The following ZNF320 variants were observed in gnomAD, a reference collection of about 807,000 sequenced individuals.
ZNF320 encodes zinc finger protein 320, also known as zinc finger gene 320.
Under a neutral mutation model 6.8 loss-of-function variants are expected in ZNF320, and 2 were observed. The ratio of observed to expected loss-of-function variants is 0.29; its 90% CI spans 0.12 to 0.93. ZNF320 has a LOEUF of 0.93. Ranked by LOEUF, ZNF320 falls within the 40% of genes least tolerant of loss-of-function variation. The pLI is 0.55. For synonymous variants in ZNF320, 208 were observed against 203.2 expected, an observed-to-expected ratio of 1.02 and a Z score of -0.20; for missense variants, 472 against 611.0, an observed-to-expected ratio of 0.77 and a Z score of 2.40.
At chr19:52,865,062 C>T (rs1326467112) in intron 5 of ZNF320, among the ~76,000 whole-genome samples, 1 of 150,584 alleles carries the variant, frequency 6.6e-6, no homozygotes, top group Admixed American at 6.6e-5. Context: ...TGGCTCATGC[C>T]TGCAATCCTG....
intron 5 of ZNF320, among the ~76,000 whole-genome samples, chr19:52,864,626 C>T (rs1600554511): frequency 6.6e-6 from 1 of 152,172 alleles, no homozygotes; most frequent in Non-Finnish European, 1.5e-5. Flanking sequence ...GTGAAAACTC[C>T]TCTTCTCCCA....
At chr19:52,860,597 C>CAAAAAAAA (rs113315558), downstream of ZNF320, among the ~76,000 whole-genome samples, 5 of 118,864 alleles carry the variant, frequency 4.2e-5, no homozygotes, top group African/African-American at 1.3e-4. Context: ...GAAACGGCAT[C>CAAAAAAAA]AAAAAAAAAA....
At chr19:52,901,370 C>T (rs1333980091), upstream of ZNF320, among the ~76,000 whole-genome samples, 2 of 152,160 alleles carry the variant, frequency 1.3e-5, no homozygotes, top group African/African-American at 2.4e-5. Flanking sequence ...ATGAGTCCTG[C>T]GATGAGTTTC....
At chr19:52,865,799 A>G (rs2147769127) in intron 5 of ZNF320, among the ~76,000 whole-genome samples, 1 of 120,808 alleles carries the variant, frequency 8.3e-6, no homozygotes, top group African/African-American at 3.4e-5. Flanking sequence ...TTATACACAT[A>G]TATTTATATA....
At chr19:52,864,801 C>T (rs1364165539) in intron 5 of ZNF320, among the ~76,000 whole-genome samples, 2 of 150,318 alleles carry the variant, frequency 1.3e-5, no homozygotes, top group East Asian at 2.0e-4. Flanking sequence ...ATCATGATGT[C>T]AGGAGATCGA....
intron 5 of ZNF320, chr19:52,865,470 T>TATATATATATATATGTAA (rs1414636050): frequency 1.7e-4 from 7 of 40,340 alleles, no homozygotes; most frequent in African/African-American, 7.4e-4. Context: ...TATATATATA[T>TATATATATATATATGTAA]TACATATATA....
At position 52,877,766 on chromosome 19, in the gene ZNF320, G is replaced by T. The variant is rs1412427956; in HGVS notation, c.*2830C>A. 1 of 152,088 alleles carries T rather than the reference G, an allele frequency of 6.6e-6. No individual in the cohort carries two copies. The highest frequency in any genetic ancestry group is 1.9e-4 in the East Asian group (1 of 5,188). 9.4% of individuals were successfully genotyped at this position (152,088 alleles called of 1,614,324 possible). ...TTTTATTTTCCTTTCACAAGCTTGT[G>T]ACAGCCATAATGCTTTGACACACTG... On this transcript the variant is annotated 3_prime_UTR_variant, in exon 6 of 6. Transcript: ENST00000682928.
At position 52,866,696 on chromosome 19, in the gene ZNF320, C is replaced by T. The variant is rs141564838; in HGVS notation, c.224-2537G>A. 5.3e-3 allele frequency among the ~76,000 whole-genome samples: 813 copies of T among 152,016 alleles called. 10 individuals are homozygous for T. Among genetic ancestry groups the T allele is most frequent in the African/African-American group, 0.016 (680 of 41,484 alleles). On this transcript the variant is annotated intron_variant, in intron 5 of 5. Transcript: ENST00000673631. ...GACCAGCCTGGCCAATATGGAGAAA[C>T]GCCATCTCTACTAAAAATATAACCA...
intron 5 of ZNF320, chr19:52,883,544 T>C (rs2063986384): frequency 2.2e-6 from 1 of 445,448 alleles, no homozygotes; most frequent in Non-Finnish European, 4.5e-6. Flanking sequence ...CTGAAATACA[T>C]GTTAAAATCA....
chr19:52,900,925 A>G (rs574896784), upstream of ZNF320, among the ~76,000 whole-genome samples: 1,170 of 42,210 alleles, frequency 0.028, 11 homozygotes, highest in African/African-American at 0.075. Context: ...TTTTTTTTTA[A>G]CTGTGTAACT....
intron 5 of ZNF320, among the ~76,000 whole-genome samples, chr19:52,866,363 C>A (rs1254334210): frequency 6.6e-6 from 1 of 151,432 alleles, no homozygotes; most frequent in Non-Finnish European, 1.5e-5. Flanking sequence ...AACTGTGAAA[C>A]CCCTCCTGCA....
At chr19:52,875,763 G>A (rs1162345424), downstream of ZNF320, among the ~76,000 whole-genome samples, 2 of 151,314 alleles carry the variant, frequency 1.3e-5, no homozygotes, top group South Asian at 2.1e-4. Flanking sequence ...ATGGGTGACC[G>A]AGTGACACTC....
intron 1 of ZNF320, chr19:52,895,117 G>A (rs1192474896): frequency 6.6e-6 from 1 of 152,150 alleles, no homozygotes; most frequent in Non-Finnish European, 1.5e-5. Context: ...GATGACATAA[G>A]GAAAGAAAAT....
intron 4 of ZNF320, among the ~76,000 whole-genome samples, chr19:52,889,475 T>C (rs768477905): frequency 3.3e-5 from 5 of 152,028 alleles, no homozygotes; most frequent in Admixed American, 1.3e-4. Context: ...ATAATAGTTA[T>C]AGGTGGAATA....
chr19:52,860,781 A>G (rs537433691), downstream of ZNF320, among the ~76,000 whole-genome samples: 2 of 152,038 alleles, frequency 1.3e-5, no homozygotes, highest in Non-Finnish European at 2.9e-5. Context: ...TTAACTGTAA[A>G]CATCTTAAGA....
chr19:52,902,254 G>A (rs760508621), upstream of ZNF320, among the ~76,000 whole-genome samples: 10 of 152,210 alleles, frequency 6.6e-5, no homozygotes, highest in South Asian at 4.1e-4. Flanking sequence ...ATTGGGAGAC[G>A]GAAGCTGGAA....
intron 1 of ZNF320, 127 bp from the exon 2 acceptor site, chr19:52,893,983 C>T (rs907119100): frequency 6.6e-6 from 1 of 152,146 alleles, no homozygotes; most frequent in African/African-American, 2.4e-5. Context: ...AACCAACATA[C>T]AGAAATTATG....
rs35010241 is a variant in ZNF320, at chr19:52,870,477, CAA to C, written c.223+3513_223+3514del. On this transcript the variant is annotated intron_variant, in intron 5 of 5. Coordinates refer to the ZNF320 transcript ENST00000673631. The stretch of plus-strand genomic sequence containing the variant: ...TGGGCAACAGAGCCAGACTCCGTCT[CAA>C]AAAAAAAAAAAAAAAAGAAAAATAC... Among the ~76,000 whole-genome samples, 745 of 89,434 alleles carry C rather than the reference CAA, an allele frequency of 8.3e-3. 4 individuals are homozygous for C. The highest frequency in any genetic ancestry group is 0.017 in the African/African-American group (384 of 22,526). The allele number at this position is 89,434 out of a possible 152,430, so 58.7% of individuals were successfully genotyped here.
exon 6 of ZNF320, chr19:52,863,907 C>A (rs2063502478): frequency 1.3e-5 from 4 of 319,936 alleles, no homozygotes; most frequent in Admixed American, 3.7e-5. Context: ...GTGGCACGTG[C>A]CTGGAATCCC....
Sources: gnomAD v4.1 joint callset for allele counts (sites outside exome capture counted in the v4.1 genomes callset) on GRCh38, gnomAD v4.1.1 for gene constraint, MANE v1.5 for transcripts, NCBI Gene and HGNC (gene_info 2026-07-23, HGNC 2026-07-21) for gene names.